Variants in PKD1L1 observed in about 807,000 individuals in gnomAD.
The protein encoded by PKD1L1 is polycystin-1-like protein 1.
A neutral mutation model predicts 323.4 loss-of-function variants in PKD1L1; 236 were observed. The ratio of observed to expected loss-of-function variants is 0.73; its 90% CI spans 0.66 to 0.81. The LOEUF (loss-of-function observed/expected upper bound fraction) is 0.81. PKD1L1 is among the 40% of genes least tolerant of loss of function. PKD1L1 has a pLI of 0.00. For synonymous variants in PKD1L1, 1,344 were observed against 1,335.0 expected, an observed-to-expected ratio of 1.01 and a Z score of -0.15; for missense variants, 3,320 against 3,508.0, an observed-to-expected ratio of 0.95 and a Z score of 1.35.
At chr7:47,883,755 C>A (rs929137804) in intron 19 of PKD1L1, among the ~76,000 whole-genome samples, 15 of 152,226 alleles carry the variant, frequency 9.9e-5, no homozygotes, top group African/African-American at 3.6e-4. Flanking sequence ...AGGAATAAAT[C>A]ATTCATTCAT....
intron 37 of PKD1L1, among the ~76,000 whole-genome samples, chr7:47,836,460 A>C (rs1785459385): frequency 1.3e-5 from 2 of 152,212 alleles, no homozygotes; most frequent in Non-Finnish European, 2.9e-5. Flanking sequence ...ACTGATTTGG[A>C]AGTAATTTAC....
Position 47,815,515 on chromosome 7 carries a change from T to C in PKD1L1, c.6966-58A>G, listed in dbSNP as rs553261981. ...CTGCATCAACAAGAACAATGAAACG[T>C]GAGAACAAAAGCATGTTTTCTTGCC... On this transcript the variant is annotated intron_variant, in intron 46 of 56. Coordinates refer to ENST00000289672, the MANE Select transcript of PKD1L1 (RefSeq NM_138295.5). 14 of 1,571,984 alleles carry C rather than the reference T, an allele frequency of 8.9e-6. No individual in the cohort carries two copies. The African/African-American group carries it at 1.1e-4, about 12-fold the overall frequency.
Position 47,905,313 on chromosome 7 carries a change from TAGACAG to T in PKD1L1, c.1529_1534del (p.Ser510_Val511del). ...TGTGGCAAACACAGTTCCATTTGTG[TAGACAG>T]AGACGGCTGTGGCAAAAGAAAGGAA... On this transcript the variant is annotated inframe_deletion, in exon 11 of 57. Coordinates refer to ENST00000289672, the MANE Select transcript of PKD1L1 (RefSeq NM_138295.5). 1 of 1,613,876 alleles carries T rather than the reference TAGACAG, an allele frequency of 6.2e-7. No homozygotes were observed. The highest frequency in any genetic ancestry group is 8.5e-7 in the Non-Finnish European group (1 of 1,179,938).
At chr7:47,865,359 T>C in intron 25 of PKD1L1, 87 bp from the exon 26 acceptor site, 2 of 1,215,500 alleles carry the variant, frequency 1.6e-6, no homozygotes, top group South Asian at 1.3e-5. Flanking sequence ...AGCTTGCCTA[T>C]GTAGAAATAG....
At chr7:47,892,861 G>A (rs1786851660) in intron 15 of PKD1L1, among the ~76,000 whole-genome samples, 1 of 152,002 alleles carries the variant, frequency 6.6e-6, no homozygotes, top group Admixed American at 6.6e-5. Flanking sequence ...AGGGGAGGTG[G>A]TGTGGAACTG....
intron 56 of PKD1L1, among the ~76,000 whole-genome samples, chr7:47,778,073 T>C (rs1411921533): frequency 6.6e-6 from 1 of 152,134 alleles, no homozygotes; most frequent in Non-Finnish European, 1.5e-5. Context: ...ATCATGGTAC[T>C]CCTGGACTAT....
Position 47,894,222 on chromosome 7 carries a change from C to G in PKD1L1, c.2272-163G>C, listed in dbSNP as rs138295832. On this transcript the variant is annotated intron_variant, in intron 14 of 56. Coordinates refer to ENST00000289672, the MANE Select transcript of PKD1L1 (RefSeq NM_138295.5). ...TAGTCAAAATAACCACTCTACTGTACGACATGAGAGCTGTGACTGGAGTCC... is the reference window on the plus strand; with the variant it reads ...TAGTCAAAATAACCACTCTACTGTAGGACATGAGAGCTGTGACTGGAGTCC... Among the ~76,000 whole-genome samples the G allele has an allele frequency of 2.6e-5, 4 of 152,306 alleles. No homozygotes were observed. The East Asian group carries it at 5.8e-4, about 22-fold the overall frequency.
Position 47,857,600 on chromosome 7 carries a change from T to G in PKD1L1, c.4590+5A>C, listed in dbSNP as rs368145552. ...AGAAGTGGCAGGTCATCTGTCAGCT[T>G]GTACCTGCCCAGGAGCTTGGCTCCC... On this transcript the variant is annotated splice_donor_5th_base_variant and intron_variant, in intron 28 of 56. Transcript: ENST00000289672. 6.2e-6 allele frequency: 10 copies of G among 1,611,938 alleles called. No individual in the cohort carries two copies. The African/African-American group carries it at 1.1e-4, about 17-fold the overall frequency.
At chr7:47,857,504 G>A (rs966709351) in intron 28 of PKD1L1, 101 bp downstream of exon 28, 2 of 979,454 alleles carry the variant, frequency 2.0e-6, no homozygotes, top group Non-Finnish European at 3.1e-6. Flanking sequence ...CAAAAAACAG[G>A]TGCAAATATG....
rs765951304 is a variant in PKD1L1, at chr7:47,877,540, A to G, written c.3612T>C (p.His1204=). 1.9e-5 allele frequency: 30 copies of G among 1,614,018 alleles called. No homozygotes were observed. The highest frequency in any genetic ancestry group is 2.4e-5 in the Non-Finnish European group (28 of 1,179,962). The change falls in exon 22 of 57, where the codon CAT becomes CAC. Residue 1204 remains histidine, a synonymous_variant. Transcript: ENST00000289672. ...RDMACQVQPH[H]GLEAHTVFSV... Reference sequence around the variant, plus strand: ...TGAAGACGGTGTGTGCTTCCAGACCATGGTGGGGCTGCACCTGACAGGCCA... The same window carrying G: ...TGAAGACGGTGTGTGCTTCCAGACCGTGGTGGGGCTGCACCTGACAGGCCA...
chr7:47,939,285 G>C (rs1419320515), intron 3 of PKD1L1, among the ~76,000 whole-genome samples: 1 of 152,148 alleles, frequency 6.6e-6, no homozygotes, highest in Non-Finnish European at 1.5e-5. Flanking sequence ...GCTACGGAGG[G>C]GGTGGTTTAA....
intron 33 of PKD1L1, among the ~76,000 whole-genome samples, chr7:47,843,728 T>A (rs1487806424): frequency 6.6e-6 from 1 of 152,140 alleles, no homozygotes. Context: ...GATCACTGAA[T>A]GCCCACAGTT....
chr7:47,879,640 A>AG (rs1293656953), intron 21 of PKD1L1, among the ~76,000 whole-genome samples: 1 of 145,608 alleles, frequency 6.9e-6, no homozygotes, highest in African/African-American at 2.6e-5. Context: ...CTCAAAAAAA[A>AG]AAAAAAAAAA....
rs539229768 is a variant in PKD1L1, at chr7:47,945,954, C to T, written c.44+2443G>A. 2.6e-4 allele frequency among the ~76,000 whole-genome samples: 39 copies of T among 152,314 alleles called. 2 individuals carry two copies. In the South Asian group the frequency reaches 8.1e-3, roughly 32 times the overall value. ...CCCCAACAGGTGTGTCCTCCACTCA[C>T]AGAGGCGCCAAGGATAGTGCTGCAA... On this transcript the variant is annotated intron_variant, in intron 1 of 56. Coordinates refer to ENST00000289672, the MANE Select transcript of PKD1L1 (RefSeq NM_138295.5).
chr7:47,916,983 C>A (rs55680286), intron 7 of PKD1L1, among the ~76,000 whole-genome samples: 8,329 of 152,116 alleles, frequency 0.055, 772 homozygotes, highest in African/African-American at 0.19. Context: ...GAAGAAATCC[C>A]CAGTTTACCT....
Position 47,887,402 on chromosome 7 carries a change from G to T in PKD1L1, c.2836+588C>A, listed in dbSNP as rs190183091. 5.6e-4 allele frequency among the ~76,000 whole-genome samples: 85 copies of T among 152,314 alleles called. 1 individual carries two copies. Among genetic ancestry groups the T allele is most frequent in the African/African-American group, 1.8e-3 (76 of 41,564 alleles). On this transcript the variant is annotated intron_variant, in intron 17 of 56. Coordinates refer to ENST00000289672, the MANE Select transcript of PKD1L1 (RefSeq NM_138295.5). ...CACGTGAGAAATCAGTCTCGCTCCTGGTTCAAACCTTCGTGTCCTGCAGCA... is the reference window on the plus strand; with the variant it reads ...CACGTGAGAAATCAGTCTCGCTCCTTGTTCAAACCTTCGTGTCCTGCAGCA...
chr7:47,859,331 C>T (rs372931297), intron 26 of PKD1L1, among the ~76,000 whole-genome samples: 1 of 152,346 alleles, frequency 6.6e-6, no homozygotes, highest in East Asian at 1.9e-4. Flanking sequence ...TCAAGCCATG[C>T]TGAATCTCTT....
intron 32 of PKD1L1, among the ~76,000 whole-genome samples, chr7:47,845,716 A>G (rs1785651329): frequency 6.6e-6 from 1 of 152,024 alleles, no homozygotes; most frequent in African/African-American, 2.4e-5. Context: ...CAGCCTCCCA[A>G]GTAACTGGGA....
At chr7:47,932,174 TG>T (rs757992479) in intron 4 of PKD1L1, 118 bp from the exon 5 acceptor site, 131 of 1,442,812 alleles carry the variant, frequency 9.1e-5, no homozygotes, top group South Asian at 7.2e-4. Flanking sequence ...ATTCCCTTGC[TG>T]TGATTGCAGG....
Sources: allele counts gnomAD v4.1 joint callset (sites outside exome capture counted in the v4.1 genomes callset), GRCh38; gene constraint gnomAD v4.1.1; transcripts MANE v1.5; gene names NCBI Gene and HGNC (gene_info 2026-07-23, HGNC 2026-07-21).